TMEM98: variants seen among roughly 807,000 people sequenced by gnomAD.
TMEM98 encodes the protein transmembrane protein 98.
TMEM98 carries 18 observed loss-of-function variants against 25.0 expected under a neutral mutation model. That is an observed-to-expected ratio of 0.72 (90% CI 0.50 to 1.07). The LOEUF (loss-of-function observed/expected upper bound fraction) is 1.07. Ranked by LOEUF, TMEM98 falls within the 50% of genes least tolerant of loss-of-function variation. The pLI, the probability that TMEM98 is intolerant of heterozygous loss-of-function variation, is 0.00. For missense variants in TMEM98, 241 were observed against 289.0 expected (o/e 0.83, Z 1.20); for synonymous variants, 103 against 112.4 (o/e 0.92, Z 0.53).
chr17:32,928,268 G>C (rs2091442924), intron 1 of TMEM98, 31 bp downstream of exon 1: 1 of 149,562 alleles, frequency 6.7e-6, no homozygotes, highest in Non-Finnish European at 1.5e-5. Context: ...CGGGCGGGCC[G>C]CGGCGAGTCG....
intron 1 of TMEM98, among the ~76,000 whole-genome samples, 160 bp downstream of exon 1, chr17:32,928,397 C>G (rs1367796697): frequency 6.7e-6 from 1 of 149,668 alleles, no homozygotes; most frequent in African/African-American, 2.5e-5. Context: ...GGAGTAGGAG[C>G]CGCGCCCCGG....
At chr17:32,931,745 T>C in intron 3 of TMEM98, 86 bp downstream of exon 3, 6 of 1,495,398 alleles carry the variant, frequency 4.0e-6, no homozygotes, top group Non-Finnish European at 5.4e-6. Context: ...GTTGGGCAAC[T>C]CTAACTCAGC....
At chr17:32,929,494 G>C (rs1157653543) in intron 1 of TMEM98, among the ~76,000 whole-genome samples, 1 of 152,138 alleles carries the variant, frequency 6.6e-6, no homozygotes, top group Non-Finnish European at 1.5e-5. Context: ...GATAAAGGCA[G>C]ACATAAGAGG....
intron 1 of TMEM98, among the ~76,000 whole-genome samples, chr17:32,928,771 G>A (rs983259057): frequency 6.8e-6 from 1 of 146,472 alleles, no homozygotes. Flanking sequence ...AGCACACTAA[G>A]AAACATTCAG....
chr17:32,940,157 CCTA>C (rs984544834), intron 7 of TMEM98, among the ~76,000 whole-genome samples: 2 of 152,226 alleles, frequency 1.3e-5, no homozygotes, highest in Non-Finnish European at 2.9e-5. Context: ...CTGCCCCACT[CCTA>C]CTGCTGCCGA....
chr17:32,939,723 T>A (rs2091518586), intron 7 of TMEM98, among the ~76,000 whole-genome samples, 187 bp downstream of exon 7: 1 of 152,176 alleles, frequency 6.6e-6, no homozygotes, highest in Non-Finnish European at 1.5e-5. Context: ...AGGCCAGTCC[T>A]CTCCTGAAAC....
Position 32,940,897 on chromosome 17 carries a change from G to A in TMEM98, c.585G>A (p.Glu195=). Residue 195 remains glutamate (E), a synonymous_variant, in exon 8 of 8, where the codon GAG becomes GAA. Transcript: ENST00000579849. ...ACCAGTCTCTGTCGGCTGCTGAGGAGCATTTGGAAGTCCTTCGAGAAGCAG... is the reference window on the plus strand; with the variant it reads ...ACCAGTCTCTGTCGGCTGCTGAGGAACATTTGGAAGTCCTTCGAGAAGCAG... The part of the protein sequence containing the change: ...WIDQSLSAAE[E]HLEVLREAAL... The A allele has an allele frequency of 6.2e-7, 1 of 1,614,202 alleles. No homozygotes were observed. The highest frequency in any genetic ancestry group is 8.5e-7 in the Non-Finnish European group (1 of 1,180,048).
chr17:32,941,037 C>G lies in TMEM98; in HGVS notation c.*44C>G. Reference sequence around the variant, plus strand: ...TAGCCATGAAGGCCCCTGCCGCCATCCCTGGATGGCTCAGCTTAGCCTTCT... The same window carrying G: ...TAGCCATGAAGGCCCCTGCCGCCATGCCTGGATGGCTCAGCTTAGCCTTCT... On this transcript the variant is annotated 3_prime_UTR_variant, in exon 8 of 8. Transcript: ENST00000579849. 2.0e-6 allele frequency: 3 copies of G among 1,513,110 alleles called. No individual in the cohort carries two copies. Among genetic ancestry groups the G allele is most frequent in the Non-Finnish European group, 2.7e-6 (3 of 1,115,720 alleles). 93.7% of individuals were successfully genotyped at this position (1,513,110 alleles called of 1,614,324 possible).
chr17:32,930,237 C>T (rs926790080), intron 1 of TMEM98, among the ~76,000 whole-genome samples: 2 of 152,140 alleles, frequency 1.3e-5, no homozygotes, highest in Admixed American at 1.3e-4. Flanking sequence ...ATATGTACTT[C>T]TGTGAGATGC....
In TMEM98 at chr17:32,943,973, T is replaced by C. The variant is rs1680776474; in HGVS notation, c.*2980T>C. On this transcript the variant is annotated 3_prime_UTR_variant, in exon 8 of 8. Transcript: ENST00000579849. ...CCTTGTCCCTGCCCCACTACAAGTCTGTTCATATGAAGACATACAAAGCCG... is the reference window on the plus strand; with the variant it reads ...CCTTGTCCCTGCCCCACTACAAGTCCGTTCATATGAAGACATACAAAGCCG... 1 of 152,276 alleles carries C rather than the reference T, an allele frequency of 6.6e-6. No homozygotes were observed. Among genetic ancestry groups the C allele is most frequent in the Admixed American group, 6.5e-5 (1 of 15,280 alleles). 9.4% of individuals were successfully genotyped at this position (152,276 alleles called of 1,614,324 possible). A position where few individuals can be genotyped will look rare whatever the true frequency, so the allele number is the denominator to read the frequency against.
chr17:32,937,545 A>G (rs1467385469), intron 6 of TMEM98, among the ~76,000 whole-genome samples: 3 of 151,782 alleles, frequency 2.0e-5, no homozygotes, highest in African/African-American at 7.3e-5. Context: ...AAGAACCCAC[A>G]TCCCAGGCTC....
At chr17:32,931,286 A>C (rs896509488) in intron 1 of TMEM98, 41 bp from the exon 2 acceptor site, 2 of 436,100 alleles carry the variant, frequency 4.6e-6, no homozygotes, top group Non-Finnish European at 8.0e-6. Flanking sequence ...GGAAAAGGCA[A>C]ATTTGGGGCA....
chr17:32,938,638 G>C (rs1189840218), intron 6 of TMEM98, among the ~76,000 whole-genome samples: 7 of 151,988 alleles, frequency 4.6e-5, no homozygotes, highest in Non-Finnish European at 8.8e-5. Context: ...CTTCTTTTTC[G>C]GTGTCTTACA....
At chr17:32,934,012 A>G (rs1177737831) in intron 4 of TMEM98, among the ~76,000 whole-genome samples, 2 of 152,240 alleles carry the variant, frequency 1.3e-5, no homozygotes, top group Non-Finnish European at 2.9e-5. Context: ...CAGAGGGAAC[A>G]GTCTACCAGA....
intron 1 of TMEM98, among the ~76,000 whole-genome samples, chr17:32,929,070 A>G (rs2091450637): frequency 6.6e-6 from 1 of 152,006 alleles, no homozygotes; most frequent in African/African-American, 2.4e-5. Flanking sequence ...ACTCAGAAAC[A>G]TACTCTGAGA....
chr17:32,940,116 AGTGGGT>A (rs576529458), intron 7 of TMEM98, among the ~76,000 whole-genome samples: 161 of 152,376 alleles, frequency 1.1e-3, no homozygotes, highest in African/African-American at 3.7e-3. Context: ...CCAGATCGGC[AGTGGGT>A]CACAGCGCTT....
At chr17:32,937,126 G>A (rs1404875857) in intron 6 of TMEM98, among the ~76,000 whole-genome samples, 2 of 152,226 alleles carry the variant, frequency 1.3e-5, no homozygotes, top group East Asian at 3.9e-4. Context: ...CTGGTATGCC[G>A]ACGTGCCTGA....
chr17:32,933,471 G>A (rs2091480560), intron 4 of TMEM98, among the ~76,000 whole-genome samples, 166 bp downstream of exon 4: 1 of 152,208 alleles, frequency 6.6e-6, no homozygotes, highest in African/African-American at 2.4e-5. Context: ...ACTTGAAAGT[G>A]TTTGTCCTTT....
At chr17:32,934,741 C>G (rs2091487299) in intron 5 of TMEM98, among the ~76,000 whole-genome samples, 1 of 152,208 alleles carries the variant, frequency 6.6e-6, no homozygotes, top group African/African-American at 2.4e-5. Context: ...TGGATTTCTA[C>G]TGTGACTAGA....
Sources: allele counts gnomAD v4.1 joint callset (sites outside exome capture counted in the v4.1 genomes callset), GRCh38; gene constraint gnomAD v4.1.1; transcripts MANE v1.5; gene names NCBI Gene and HGNC (gene_info 2026-07-23, HGNC 2026-07-21).